Variants in WDR4 observed in about 807,000 individuals in gnomAD.
WDR4 encodes WDR4 tRNA N7-guanosine methyltransferase non-catalytic subunit.
Under a neutral mutation model 48.6 loss-of-function variants are expected in WDR4, and 47 were observed. The ratio of observed to expected loss-of-function variants is 0.97; its 90% CI spans 0.77 to 1.23. The LOEUF (loss-of-function observed/expected upper bound fraction) is 1.23. WDR4 is among the 50% of genes most tolerant of loss of function. The pLI is 0.00. For synonymous variants in WDR4, 268 were observed against 230.0 expected, an observed-to-expected ratio of 1.17 and a Z score of -1.49; for missense variants, 606 against 551.6, an observed-to-expected ratio of 1.10 and a Z score of -0.99.
intron 6 of WDR4, 117 bp downstream of exon 6, chr21:42,859,545 C>T: frequency 9.3e-6 from 6 of 647,464 alleles, no homozygotes; most frequent in Non-Finnish European, 1.5e-5. Context: ...ATCTAGTGGA[C>T]AGCCACAGCC....
Position 42,849,991 on chromosome 21 carries a change from G to A in WDR4, c.*58C>T, listed in dbSNP as rs1440070963. 1.1e-5 allele frequency: 17 copies of A among 1,596,864 alleles called. No individual in the cohort carries two copies. In the East Asian group the frequency reaches 2.5e-4, roughly 23 times the overall value. On this transcript the variant is annotated 3_prime_UTR_variant, in exon 11 of 11. Transcript: ENST00000398208. ...TTGAAGGGACATGCCAGGATGCAGG[G>A]GAACAAGTTAAAAAGCTTTTCCTAA...
At chr21:42,854,055 G>A (rs1209097992) in intron 8 of WDR4, among the ~76,000 whole-genome samples, 1 of 152,182 alleles carries the variant, frequency 6.6e-6, no homozygotes, top group African/African-American at 2.4e-5. Flanking sequence ...TCACACCTGC[G>A]TACTTCCAGA....
chr21:42,859,720 A>G lies in WDR4; in HGVS notation c.569T>C (p.Phe190Ser). 6.4e-7 allele frequency: 1 copy of G among 1,559,762 alleles called. No individual in the cohort carries two copies. Among genetic ancestry groups the G allele is most frequent in the Non-Finnish European group, 8.7e-7 (1 of 1,151,814 alleles). Reference sequence around the variant, plus strand: ...TGGCACCACGGAGATACGGCTCACAAACCTGTGAGGGCGAGAGAGAGCGGC... The same window carrying G: ...TGGCACCACGGAGATACGGCTCACAGACCTGTGAGGGCGAGAGAGAGCGGC... ...IESFCLGHTE[F>S]VSRISVVPTQ... Residue 190 changes from phenylalanine to serine, a missense_variant and splice_region_variant, in exon 6 of 11, where the codon TTT becomes TCT. Transcript: ENST00000398208.
At chr21:42,850,416 C>T (rs1248844656) in intron 10 of WDR4, among the ~76,000 whole-genome samples, 174 bp from the exon 11 acceptor site, 1 of 152,206 alleles carries the variant, frequency 6.6e-6, no homozygotes, top group African/African-American at 2.4e-5. Flanking sequence ...GGACCCACAC[C>T]CTGGCTGGAC....
downstream of WDR4, among the ~76,000 whole-genome samples, chr21:42,844,319 C>T (rs1050668777): frequency 6.6e-6 from 1 of 152,114 alleles, no homozygotes; most frequent in Non-Finnish European, 1.5e-5. Flanking sequence ...TACCCTAAAG[C>T]TTATCAAATT....
intron 11 of WDR4, among the ~76,000 whole-genome samples, chr21:42,843,775 C>T (rs2057686589): frequency 6.6e-6 from 1 of 152,118 alleles, no homozygotes; most frequent in African/African-American, 2.4e-5. Flanking sequence ...CCATATTGGC[C>T]AAGCTGGTCT....
intron 5 of WDR4, 24 bp from the exon 6 acceptor site, chr21:42,859,746 A>G: frequency 6.4e-7 from 1 of 1,553,234 alleles, no homozygotes; most frequent in African/African-American, 1.4e-5. Flanking sequence ...AGAGAGCGGC[A>G]GAGTCAGCGA....
chr21:42,859,605 C>CCCCCA, intron 6 of WDR4, 57 bp downstream of exon 6: 3 of 1,071,980 alleles, frequency 2.8e-6, no homozygotes, highest in East Asian at 2.6e-5. Context: ...GCGCCCACCC[C>CCCCCA]ACCCTCCCTG....
At chr21:42,876,229 T>TTTTTTTTTTTTTTTTG (rs1555982374) in intron 2 of WDR4, among the ~76,000 whole-genome samples, 8 of 148,844 alleles carry the variant, frequency 5.4e-5, no homozygotes, top group African/African-American at 1.0e-4. Context: ...TTTTTTTTTT[T>TTTTTTTTTTTTTTTTG]GGGAGACAGA....
At chr21:42,851,100 A>G (rs1367896545) in intron 10 of WDR4, among the ~76,000 whole-genome samples, 4 of 152,190 alleles carry the variant, frequency 2.6e-5, no homozygotes, top group South Asian at 2.1e-4. Flanking sequence ...TCTATGGAAC[A>G]TCTCAGGAGA....
intron 3 of WDR4, among the ~76,000 whole-genome samples, chr21:42,871,387 G>A (rs1169099352): frequency 6.6e-6 from 1 of 152,224 alleles, no homozygotes; most frequent in Non-Finnish European, 1.5e-5. Context: ...CCAAAGTCAA[G>A]GCCAACCTAC....
chr21:42,853,847 G>C, intron 8 of WDR4, 95 bp from the exon 9 acceptor site: 2 of 1,340,186 alleles, frequency 1.5e-6, no homozygotes, highest in Non-Finnish European at 2.0e-6. Context: ...CCTCGCCGGT[G>C]CCACCTCAGG....
At chr21:42,856,608 A>C (rs557303988) in intron 6 of WDR4, among the ~76,000 whole-genome samples, 47 of 152,314 alleles carry the variant, frequency 3.1e-4, no homozygotes, top group Non-Finnish European at 5.9e-5. Context: ...GTGGAGAGAA[A>C]TAAATCAATA....
At chr21:42,864,700 A>G (rs1220161484) in intron 3 of WDR4, among the ~76,000 whole-genome samples, 1 of 152,216 alleles carries the variant, frequency 6.6e-6, no homozygotes, top group Non-Finnish European at 1.5e-5. Flanking sequence ...CCAAAGTCAC[A>G]GTTCGCTCCC....
chr21:42,860,742 G>A (rs1179309074), intron 5 of WDR4, among the ~76,000 whole-genome samples: 1 of 152,248 alleles, frequency 6.6e-6, no homozygotes. Context: ...CAGTTTCCAG[G>A]GGTCTGAAAC....
rs745357304 is a variant in WDR4, at chr21:42,853,726, A to G, written c.818T>C (p.Leu273Pro). Reference sequence around the variant, plus strand: ...CACCAACTGCTGTCTGCGGGCGTCCAGCTGGAAGATGTAGACCACAGGAGT... The same window carrying G: ...CACCAACTGCTGTCTGCGGGCGTCCGGCTGGAAGATGTAGACCACAGGAGT... ...DGTPVVYIFQ[L>P]DARRQQLVYR... is the part of the protein sequence containing the mutation. The change falls in exon 9 of 11, where the codon CTG becomes CCG. Residue 273 changes from leucine to proline, a missense_variant. Physicochemically the swap from Leu to Pro is moderately conservative, Grantham distance 98. Transcript: ENST00000398208. The G allele has an allele frequency of 1.3e-6, 2 of 1,562,278 alleles. No homozygotes were observed. The highest frequency in any genetic ancestry group is 1.2e-5 in the South Asian group (1 of 84,870).
chr21:42,857,860 G>T (rs896697775), intron 6 of WDR4, among the ~76,000 whole-genome samples: 1 of 152,158 alleles, frequency 6.6e-6, no homozygotes, highest in African/African-American at 2.4e-5. Context: ...GTGGGCGGAA[G>T]TGGGTGGATC....
intron 3 of WDR4, among the ~76,000 whole-genome samples, chr21:42,871,676 C>T (rs1424612334): frequency 6.6e-6 from 1 of 152,156 alleles, no homozygotes; most frequent in African/African-American, 2.4e-5. Context: ...AAGTCATTTT[C>T]CTACTGGGAA....
chr21:42,881,033 G>A (rs1040492839), upstream of WDR4, among the ~76,000 whole-genome samples: 3 of 151,758 alleles, frequency 2.0e-5, no homozygotes, highest in African/African-American at 7.3e-5. Flanking sequence ...AGCCTCCTGA[G>A]TAGCTGGGAC....
Sources: allele counts gnomAD v4.1 joint callset (sites outside exome capture counted in the v4.1 genomes callset), GRCh38; gene constraint gnomAD v4.1.1; transcripts MANE v1.5; gene names NCBI Gene and HGNC (gene_info 2026-07-23, HGNC 2026-07-21).